Variants in CAST observed in about 807,000 individuals in gnomAD.
The protein encoded by CAST is calpastatin.
In CAST, 76 loss-of-function variants were observed where a neutral mutation model predicts 119.6. The observed-to-expected ratio is 0.64, with a 90% confidence interval of 0.53 to 0.77. The LOEUF is 0.77. CAST is among the 30% of genes least tolerant of loss of function. The pLI is 0.00. For missense variants in CAST, 953 were observed against 946.5 expected (o/e 1.01, Z -0.09); for synonymous variants, 319 against 331.6 (o/e 0.96, Z 0.41).
the CAST span, among the ~76,000 whole-genome samples, chr5:96,439,943 T>C: frequency 1.3e-5 from 2 of 152,078 alleles, no homozygotes; most frequent in Non-Finnish European, 2.9e-5. Context: ...AATTGTACAA[T>C]CAGTAAAACT....
the CAST span, among the ~76,000 whole-genome samples, chr5:96,161,862 T>G: frequency 6.6e-6 from 1 of 152,218 alleles, no homozygotes; most frequent in Non-Finnish European, 1.5e-5. Flanking sequence ...GGTATTTTAT[T>G]CTTTTGGATG....
chr5:96,688,078 C>T (rs200285054), intron 2 of CAST, among the ~76,000 whole-genome samples: 4 of 152,286 alleles, frequency 2.6e-5, no homozygotes, highest in South Asian at 4.1e-4. Context: ...TAGGTAATTC[C>T]TTGCTGTGGT....
chr5:96,197,608 A>G, the CAST span, among the ~76,000 whole-genome samples: 1 of 152,192 alleles, frequency 6.6e-6, no homozygotes, highest in African/African-American at 2.4e-5. Context: ...AGAATATAAT[A>G]AAACCTAACA....
the CAST span, among the ~76,000 whole-genome samples, chr5:96,322,505 C>A: frequency 2.7e-4 from 41 of 152,236 alleles, no homozygotes; most frequent in African/African-American, 8.7e-4. Context: ...TTTGAAAATG[C>A]CTTGCTGTTC....
chr5:96,697,163 T>C (rs915024459), intron 3 of CAST, among the ~76,000 whole-genome samples: 3 of 151,902 alleles, frequency 2.0e-5, no homozygotes, highest in African/African-American at 7.3e-5. Context: ...TGAGACCCTG[T>C]CTCAAAAAAA....
At chr5:96,543,605 C>T (rs1745955763) in intron 1 of CAST, among the ~76,000 whole-genome samples, 1 of 151,948 alleles carries the variant, frequency 6.6e-6, no homozygotes. Context: ...TTAATAAGTC[C>T]AACTAATCGA....
At chr5:96,074,136 G>A in the CAST span, among the ~76,000 whole-genome samples, 1 of 152,094 alleles carries the variant, frequency 6.6e-6, no homozygotes, top group Non-Finnish European at 1.5e-5. Flanking sequence ...CTAACTGTTG[G>A]CACCTGCTAC....
chr5:96,338,152 T>C, the CAST span, among the ~76,000 whole-genome samples: 1 of 152,226 alleles, frequency 6.6e-6, no homozygotes, highest in Non-Finnish European at 1.5e-5. Context: ...ATTAAGAAGT[T>C]CTGTCATCAT....
chr5:96,345,592 C>T, the CAST span, among the ~76,000 whole-genome samples: 1 of 152,146 alleles, frequency 6.6e-6, no homozygotes, highest in Non-Finnish European at 1.5e-5. Context: ...TTTGGGTGTA[C>T]AGTTCCTTAG....
the CAST span, among the ~76,000 whole-genome samples, chr5:96,418,498 A>G: frequency 2.0e-4 from 30 of 152,314 alleles, no homozygotes. Context: ...CTGCACTGTT[A>G]AGATTTTATT....
At chr5:96,010,823 G>A in the CAST span, among the ~76,000 whole-genome samples, 2 of 152,070 alleles carry the variant, frequency 1.3e-5, no homozygotes, top group African/African-American at 2.4e-5. Flanking sequence ...TCACTGTCTT[G>A]ATTGGCTGTA....
chr5:96,128,309 G>T, the CAST span, among the ~76,000 whole-genome samples: 1 of 152,060 alleles, frequency 6.6e-6, no homozygotes, highest in Non-Finnish European at 1.5e-5. Flanking sequence ...GTGAACGGGA[G>T]CGTTTATTTT....
chr5:96,534,765 GAA>G (rs1248218026), intron 1 of CAST, among the ~76,000 whole-genome samples: 1 of 105,868 alleles, frequency 9.4e-6, no homozygotes, highest in African/African-American at 3.8e-5. Context: ...AAGAAAGAAA[GAA>G]AGAAAGAAAG....
chr5:96,025,981 C>A, the CAST span, among the ~76,000 whole-genome samples: 2 of 152,190 alleles, frequency 1.3e-5, no homozygotes, highest in South Asian at 4.1e-4. Context: ...GCCTGTATTC[C>A]CAGCACTTTG....
chr5:96,252,789 G>A, the CAST span, among the ~76,000 whole-genome samples: 10 of 152,106 alleles, frequency 6.6e-5, no homozygotes, highest in East Asian at 1.9e-4. Flanking sequence ...AGTTCATCCC[G>A]GTTGATTCAT....
At chr5:96,399,808 C>T in the CAST span, 8 of 687,920 alleles carry the variant, frequency 1.2e-5, no homozygotes, top group Non-Finnish European at 2.1e-5. Flanking sequence ...AGTTAGTCCC[C>T]ATGGATACCC....
chr5:96,038,136 A>G, the CAST span, among the ~76,000 whole-genome samples: 1 of 152,160 alleles, frequency 6.6e-6, no homozygotes, highest in Non-Finnish European at 1.5e-5. Context: ...AAAGCTAGTC[A>G]TACATAGGAG....
At chr5:96,465,846 T>A in the CAST span, among the ~76,000 whole-genome samples, 1 of 152,152 alleles carries the variant, frequency 6.6e-6, no homozygotes, top group African/African-American at 2.4e-5. Flanking sequence ...TCTAACCTTT[T>A]CAGTGAGCAG....
the CAST span, among the ~76,000 whole-genome samples, chr5:96,375,750 AG>A: frequency 6.6e-6 from 1 of 151,692 alleles, no homozygotes; most frequent in African/African-American, 2.4e-5. Context: ...CAAAAACTGA[AG>A]GTTCCCACCG....
Sources: allele counts gnomAD v4.1 joint callset (sites outside exome capture counted in the v4.1 genomes callset), GRCh38; gene constraint gnomAD v4.1.1; transcripts MANE v1.5; gene names NCBI Gene and HGNC (gene_info 2026-07-23, HGNC 2026-07-21).